Variants in ADCY2 observed in about 807,000 individuals in gnomAD.
The protein encoded by ADCY2 is adenylate cyclase 2.
In ADCY2, 31 loss-of-function variants were observed where a neutral mutation model predicts 125.2. The ratio of observed to expected loss-of-function variants is 0.25; its 90% CI spans 0.19 to 0.33. ADCY2 has a LOEUF of 0.33. Ranked by LOEUF, ADCY2 falls within the 10% of genes least tolerant of loss-of-function variation. The pLI, the probability that ADCY2 is intolerant of heterozygous loss-of-function variation, is 1.00. For missense variants in ADCY2, 904 were observed against 1,418.2 expected (o/e 0.64, Z 5.82); for synonymous variants, 512 against 548.4 (o/e 0.93, Z 0.93).
chr5:7,585,502 A>G (rs973871981), intron 3 of ADCY2, among the ~76,000 whole-genome samples: 1 of 152,226 alleles, frequency 6.6e-6, no homozygotes, highest in Non-Finnish European at 1.5e-5. Flanking sequence ...CTCCTGGAAT[A>G]TCATCAACTG....
chr5:7,746,621 G>T (rs946974446), intron 15 of ADCY2, among the ~76,000 whole-genome samples: 16 of 152,074 alleles, frequency 1.1e-4, no homozygotes, highest in African/African-American at 3.6e-4. Context: ...AGTTGTGTAA[G>T]GTTTTATAAT....
At chr5:7,577,379 C>T (rs963879421) in intron 3 of ADCY2, among the ~76,000 whole-genome samples, 2 of 152,164 alleles carry the variant, frequency 1.3e-5, no homozygotes, top group Admixed American at 6.5e-5. Flanking sequence ...TTATAATGCA[C>T]TAAAAACAAT....
intron 3 of ADCY2, among the ~76,000 whole-genome samples, chr5:7,625,594 C>T (rs1334959110): frequency 6.6e-6 from 1 of 152,182 alleles, no homozygotes; most frequent in East Asian, 1.9e-4. Flanking sequence ...CATATTTCTA[C>T]ATAAACAAAA....
At chr5:7,758,526 T>C (rs1347639778) in intron 16 of ADCY2, among the ~76,000 whole-genome samples, 3 of 152,220 alleles carry the variant, frequency 2.0e-5, no homozygotes, top group Non-Finnish European at 4.4e-5. Context: ...ACGTCGTTTT[T>C]ATAAAGTAGA....
chr5:7,634,239 A>G (rs1738418549), intron 4 of ADCY2, among the ~76,000 whole-genome samples: 2 of 152,200 alleles, frequency 1.3e-5, no homozygotes, highest in African/African-American at 2.4e-5. Context: ...TATACCTCCT[A>G]TGGCACTAGT....
intron 4 of ADCY2, among the ~76,000 whole-genome samples, chr5:7,637,557 G>A (rs1738555224): frequency 6.6e-6 from 1 of 151,670 alleles, no homozygotes; most frequent in African/African-American, 2.4e-5. Flanking sequence ...TCTAGTAATA[G>A]CTACTAAAAA....
rs764361778 is a variant in ADCY2 at position 7,757,635 on chromosome 5, G to A, written c.2094+49G>A. The A allele has an allele frequency of 6.3e-6, 10 of 1,590,476 alleles. 1 individual carries two copies. In the South Asian group the frequency reaches 9.1e-5, roughly 14 times the overall value. On this transcript the variant is annotated intron_variant, in intron 16 of 24. Coordinates refer to ENST00000338316, the MANE Select transcript of ADCY2 (RefSeq NM_020546.3). ...TTCAACATGGTAAGCCCCAGAGCAT[G>A]GCCGTGTTCAACATGGTAAGCCCCA...
At chr5:7,607,531 C>CT (rs1737418856) in intron 3 of ADCY2, among the ~76,000 whole-genome samples, 1 of 152,206 alleles carries the variant, frequency 6.6e-6, no homozygotes, top group Admixed American at 6.5e-5. Flanking sequence ...TGCTGCACCC[C>CT]TGAGGACCCA....
Position 7,707,038 on chromosome 5 carries a change from C to T in ADCY2, c.1268+136C>T, listed in dbSNP as rs549115658. 3.0e-4 allele frequency: 321 copies of T among 1,075,568 alleles called. 1 individual carries two copies. The highest frequency in any genetic ancestry group is 6.4e-4 in the Admixed American group (23 of 35,754). 66.6% of individuals were successfully genotyped at this position (1,075,568 alleles called of 1,614,324 possible). Reference sequence around the variant, plus strand: ...TTGGTATCATGTTACTCACGCCCAACGGCCTCTTATGTTAAGCAGATAAAG... The same window carrying T: ...TTGGTATCATGTTACTCACGCCCAATGGCCTCTTATGTTAAGCAGATAAAG... On this transcript the variant is annotated intron_variant, in intron 8 of 24. Coordinates refer to ENST00000338316, the MANE Select transcript of ADCY2 (RefSeq NM_020546.3).
intron 5 of ADCY2, among the ~76,000 whole-genome samples, chr5:7,695,173 C>T (rs1740847873): frequency 1.3e-5 from 2 of 152,240 alleles, no homozygotes; most frequent in Admixed American, 6.5e-5. Context: ...AGGAATCTCA[C>T]ACTCGCCTTC....
At chr5:7,469,667 A>G (rs115879776) in intron 2 of ADCY2, among the ~76,000 whole-genome samples, 161 of 151,606 alleles carry the variant, frequency 1.1e-3, no homozygotes, top group African/African-American at 3.5e-3. Context: ...ATCCTTTCTT[A>G]TTATTCTATG....
intron 1 of ADCY2, among the ~76,000 whole-genome samples, chr5:7,411,932 G>A (rs561906363): frequency 3.0e-4 from 46 of 152,252 alleles, no homozygotes; most frequent in African/African-American, 9.6e-4. Context: ...AAAATTGGCC[G>A]GGCGTAGTGG....
intron 3 of ADCY2, among the ~76,000 whole-genome samples, chr5:7,545,604 G>A (rs1298872162): frequency 6.6e-6 from 1 of 152,084 alleles, no homozygotes; most frequent in Middle Eastern, 3.2e-3. Context: ...CTTAGAAAAG[G>A]GGTTTATTTC....
chr5:7,663,578 T>C lies in ADCY2; in HGVS notation c.721-27113T>C, dbSNP rs140069133. On this transcript the variant is annotated intron_variant, in intron 4 of 24. Transcript: ENST00000338316. ...TGTTGGAGGAAATGAATTAAGGGTG[T>C]TTATTCCAGGTCCTTTGGAAGAGCC... Among the ~76,000 whole-genome samples, 29 of 152,322 alleles carry C rather than the reference T, an allele frequency of 1.9e-4. No individual in the cohort carries two copies. In the East Asian group the frequency reaches 5.6e-3, roughly 29 times the overall value.
chr5:7,438,223 C>T (rs1475833795), intron 2 of ADCY2, among the ~76,000 whole-genome samples: 1 of 152,168 alleles, frequency 6.6e-6, no homozygotes, highest in Non-Finnish European at 1.5e-5. Flanking sequence ...CTCCCCTTCT[C>T]CTTGTTAGGG....
intron 4 of ADCY2, among the ~76,000 whole-genome samples, chr5:7,669,270 A>C (rs1316061168): frequency 6.6e-6 from 1 of 152,216 alleles, no homozygotes; most frequent in Non-Finnish European, 1.5e-5. Flanking sequence ...ACCTGGGTCG[A>C]AGGGTGGTGA....
chr5:7,543,906 C>T (rs536408738), intron 3 of ADCY2, among the ~76,000 whole-genome samples: 4 of 147,922 alleles, frequency 2.7e-5, no homozygotes, highest in African/African-American at 5.0e-5. Flanking sequence ...TCCACCTACT[C>T]GGGAGGCTGA....
chr5:7,777,765 A>G (rs1743782136), intron 18 of ADCY2, among the ~76,000 whole-genome samples: 1 of 152,252 alleles, frequency 6.6e-6, no homozygotes, highest in Non-Finnish European at 1.5e-5. Flanking sequence ...AGTATGCACT[A>G]GAAAAACTTC....
rs147287383 is a variant in ADCY2 at position 7,548,003 on chromosome 5, G to A, written c.570+27104G>A. ...CCTTTATAAATTCCTCCTAGTTTCT[G>A]GGAACCCCATATTCTCCCTCTGGGA... On this transcript the variant is annotated intron_variant, in intron 3 of 24. Transcript: ENST00000338316. Among the ~76,000 whole-genome samples, 507 of 152,286 alleles carry A rather than the reference G, an allele frequency of 3.3e-3. 8 individuals are homozygous for A. The highest frequency in any genetic ancestry group is 0.012 in the African/African-American group (485 of 41,564).
Sources: allele counts gnomAD v4.1 joint callset (sites outside exome capture counted in the v4.1 genomes callset), GRCh38; gene constraint gnomAD v4.1.1; transcripts MANE v1.5; gene names NCBI Gene and HGNC (gene_info 2026-07-23, HGNC 2026-07-21).